LRRC27: variants seen among roughly 807,000 people sequenced by gnomAD.
LRRC27 encodes leucine-rich repeat-containing protein 27.
LRRC27 carries 57 observed loss-of-function variants against 55.0 expected under a neutral mutation model. The ratio of observed to expected loss-of-function variants is 1.04; its 90% CI spans 0.84 to 1.29. LRRC27 has a LOEUF of 1.29. Among genes scored for constraint, LRRC27 ranks in the 50% most tolerant of loss-of-function variants. The pLI is 0.00. For missense variants in LRRC27, 721 were observed against 651.5 expected (o/e 1.11, Z -1.16); for synonymous variants, 278 against 251.9 (o/e 1.10, Z -0.98).
rs1366767392 is a variant in LRRC27, at chr10:132,378,966, G to C, written c.*3724G>C. The C allele has an allele frequency of 6.6e-6, 1 of 151,924 alleles. No individual in the cohort carries two copies. The highest frequency in any genetic ancestry group is 2.5e-5 in the African/African-American group (1 of 40,742). 9.4% of individuals were successfully genotyped at this position (151,924 alleles called of 1,614,324 possible). A position where few individuals can be genotyped will look rare whatever the true frequency, so the allele number is the denominator to read the frequency against. On this transcript the variant is annotated 3_prime_UTR_variant, in exon 11 of 11. Coordinates refer to ENST00000368614, the MANE Select transcript of LRRC27 (RefSeq NM_030626.3). ...GGTCACCTCCGTGTTCTCAGGGAGT[G>C]CGTGGTCTTGGATGCCATCCTGCTC...
Position 132,348,223 on chromosome 10 carries a change from C to G in LRRC27, c.793C>G (p.Leu265Val). The G allele has an allele frequency of 6.2e-7, 1 of 1,614,092 alleles. No homozygotes were observed. Among genetic ancestry groups the G allele is most frequent in the Non-Finnish European group, 8.5e-7 (1 of 1,180,044 alleles). ...GGAGGAGATCAGGCGCTTTTGGAAG[C>G]TGAGGCAGGAGATTGTTGAGCACGT... is the stretch of plus-strand genomic sequence containing the variant. ...SEEEIRRFWK[L>V]RQEIVEHVKA... Residue 265 changes from leucine (L) to valine (V), a missense_variant, in exon 6 of 11, where the codon CTG becomes GTG. By Grantham distance (32) the Leu-to-Val change is conservative. Transcript: ENST00000368614. This position sits in a 1 kb window ranked among gnomAD's most constrained non-coding sequence, Gnocchi z 4.2.
At chr10:132,367,936 T>C (rs1416400668) in intron 10 of LRRC27, among the ~76,000 whole-genome samples, 2 of 152,238 alleles carry the variant, frequency 1.3e-5, no homozygotes, top group Non-Finnish European at 2.9e-5. Context: ...TATTCTCAGA[T>C]GACATGATTA....
intron 5 of LRRC27, among the ~76,000 whole-genome samples, chr10:132,345,174 G>A (rs1438616871): frequency 3.3e-5 from 5 of 152,130 alleles, no homozygotes; most frequent in East Asian, 1.9e-4. Flanking sequence ...TCTTGAGTAC[G>A]CATTGTAGTT....
At chr10:132,362,453 AG>A (rs1335350596) in intron 9 of LRRC27, among the ~76,000 whole-genome samples, 1 of 152,180 alleles carries the variant, frequency 6.6e-6, no homozygotes, top group East Asian at 1.9e-4. Flanking sequence ...TTCACGGGGC[AG>A]GACACGCTCC....
At chr10:132,367,095 T>G (rs2069113079) in intron 10 of LRRC27, 1 of 764,360 alleles carries the variant, frequency 1.3e-6, no homozygotes, top group African/African-American at 1.9e-5. Flanking sequence ...CACTTCACAT[T>G]AGGGACACAA....
intron 7 of LRRC27, among the ~76,000 whole-genome samples, chr10:132,354,873 A>G (rs1281804441): frequency 6.6e-6 from 1 of 152,092 alleles, no homozygotes; most frequent in African/African-American, 2.4e-5. Context: ...CAGGCTGGAG[A>G]GCTGGCCTTC....
At position 132,340,214 on chromosome 10, in the gene LRRC27, G is replaced by A. The variant is rs536478122; in HGVS notation, c.342-1999G>A. On this transcript the variant is annotated intron_variant, in intron 3 of 10. Transcript: ENST00000368614. Reference sequence around the variant, plus strand: ...ATCAATGAAACGAATCAACGGGTAAGCTTTGAATTATTGATAGTATTTAAG... The same window carrying A: ...ATCAATGAAACGAATCAACGGGTAAACTTTGAATTATTGATAGTATTTAAG... Among the ~76,000 whole-genome samples the A allele has an allele frequency of 5.3e-5, 8 of 152,276 alleles. No individual in the cohort carries two copies. In the South Asian group the frequency reaches 1.5e-3, roughly 28 times the overall value.
chr10:132,372,469 A>C lies in LRRC27; in HGVS notation c.1417-2597A>C, dbSNP rs986620799. ...TGTAATCCCAGCTACGCAGGAGACAAAGGCCGGAGAATCGCTTGAACCCAG... is the reference window on the plus strand; with the variant it reads ...TGTAATCCCAGCTACGCAGGAGACACAGGCCGGAGAATCGCTTGAACCCAG... On this transcript the variant is annotated intron_variant, in intron 10 of 10. Transcript: ENST00000368614. The surrounding 1 kb of genome is among the most constrained non-coding windows in gnomAD (Gnocchi z 4.0). 6.6e-6 allele frequency among the ~76,000 whole-genome samples: 1 copy of C among 152,194 alleles called. No individual in the cohort carries two copies. Among genetic ancestry groups the C allele is most frequent in the African/African-American group, 2.4e-5 (1 of 41,452 alleles).
intron 4 of LRRC27, among the ~76,000 whole-genome samples, chr10:132,342,524 A>G (rs2067465210): frequency 6.6e-6 from 1 of 152,190 alleles, no homozygotes; most frequent in Admixed American, 6.5e-5. Context: ...TCACACAGCT[A>G]AGGAAACTGA....
In LRRC27 at chr10:132,352,984, C is replaced by T. The variant is rs748576124; in HGVS notation, c.1073+1231C>T. 48 of 1,613,222 alleles carry T rather than the reference C, an allele frequency of 3.0e-5. 1 individual carries two copies. Among genetic ancestry groups the T allele is most frequent in the South Asian group, 4.4e-5 (4 of 91,008 alleles). ...GACTGCCGCCAGTGCCACCACCTTG[C>T]GAGGTGTGTTGGCCGATGGACTCGG... is the stretch of plus-strand genomic sequence containing the variant. On this transcript the variant is annotated intron_variant, in intron 7 of 10. Transcript: ENST00000368614.
chr10:132,335,179 C>G (rs959426052), intron 2 of LRRC27: 7 of 152,252 alleles, frequency 4.6e-5, no homozygotes, highest in African/African-American at 1.4e-4. Context: ...GACGGTCTTG[C>G]AAGATTGGGT....
intron 10 of LRRC27, among the ~76,000 whole-genome samples, chr10:132,371,597 C>G (rs1444529347): frequency 6.6e-6 from 1 of 152,194 alleles, no homozygotes; most frequent in Non-Finnish European, 1.5e-5. Context: ...AGGGTCTTTC[C>G]TGTAATAATA....
chr10:132,342,335 A>T, intron 4 of LRRC27, 64 bp downstream of exon 4: 1 of 1,056,254 alleles, frequency 9.5e-7, no homozygotes, highest in Non-Finnish European at 1.4e-6. Flanking sequence ...CAGACCTTGT[A>T]ATGGAAGTAT....
chr10:132,365,644 C>G (rs1590727067), intron 10 of LRRC27, 94 bp downstream of exon 10: 1 of 1,459,368 alleles, frequency 6.9e-7, no homozygotes, highest in Non-Finnish European at 9.2e-7. Context: ...TTCTGTCACC[C>G]AGGCTGGAGT....
intron 9 of LRRC27, among the ~76,000 whole-genome samples, chr10:132,365,159 G>C (rs1454895111): frequency 6.6e-6 from 1 of 152,236 alleles, no homozygotes; most frequent in Non-Finnish European, 1.5e-5. Flanking sequence ...TTTTAAATAA[G>C]AATAGTGTGT....
chr10:132,331,533 G>C (rs1432770183), upstream of LRRC27: 2 of 1,612,848 alleles, frequency 1.2e-6, no homozygotes, highest in African/African-American at 2.7e-5. Context: ...CAAGTCCTGA[G>C]GCAAGATTTG....
intron 10 of LRRC27, among the ~76,000 whole-genome samples, chr10:132,366,082 G>C: frequency 6.6e-6 from 1 of 152,228 alleles, no homozygotes; most frequent in East Asian, 1.9e-4. Context: ...GGCGGGCCTT[G>C]GCATCTCAGC....
In LRRC27 at chr10:132,375,145, C is replaced by G; in HGVS notation, c.1496C>G (p.Thr499Ser). The part of the protein sequence containing the change: ...LNKDRRRAAL[T>S]GNLSLGLPAA... ...AAAGATCGTCGACGGGCGGCCCTCACTGGAAACCTTTCGCTTGGCCTGCCG... is the reference window on the plus strand; with the variant it reads ...AAAGATCGTCGACGGGCGGCCCTCAGTGGAAACCTTTCGCTTGGCCTGCCG... Residue 499 changes from threonine to serine, a missense_variant, in exon 11 of 11, where the codon ACT becomes AGT. Thr to Ser is a moderately conservative substitution (Grantham distance 58). Transcript: ENST00000368614. The G allele has an allele frequency of 6.2e-7, 1 of 1,614,156 alleles. No homozygotes were observed. Among genetic ancestry groups the G allele is most frequent in the Non-Finnish European group, 8.5e-7 (1 of 1,179,998 alleles).
At chr10:132,361,366 G>T in intron 8 of LRRC27, 91 bp from the exon 9 acceptor site, 1 of 1,086,976 alleles carries the variant, frequency 9.2e-7, no homozygotes, top group East Asian at 2.4e-5. Flanking sequence ...CTTCGTGGAC[G>T]AGGAGCTAGT....
Sources: gnomAD v4.1 joint callset for allele counts (sites outside exome capture counted in the v4.1 genomes callset) on GRCh38, gnomAD v4.1.1 for gene constraint, Gnocchi (gnomAD v3.1) non-coding constraint, MANE v1.5 for transcripts, NCBI Gene and HGNC (gene_info 2026-07-23, HGNC 2026-07-21) for gene names.